Variants in DPYD observed in about 807,000 individuals in gnomAD.
DPYD encodes dihydropyrimidine dehydrogenase [NADP(+)].
In DPYD, 109 loss-of-function variants were observed where a neutral mutation model predicts 116.2. The observed-to-expected ratio is 0.94, with a 90% CI of 0.80 to 1.10. DPYD has a LOEUF of 1.10. Ranked by LOEUF, DPYD falls within the 50% of genes least tolerant of loss-of-function variation. The pLI is 0.00. For synonymous variants in DPYD, 440 were observed against 432.0 expected (o/e 1.02, Z -0.23); for missense variants, 1,302 against 1,254.5 (o/e 1.04, Z -0.57).
At chr1:97,457,483 G>A (rs990468764) in intron 13 of DPYD, among the ~76,000 whole-genome samples, 1 of 152,078 alleles carries the variant, frequency 6.6e-6, no homozygotes, top group Non-Finnish European at 1.5e-5. Context: ...GACACTAAAA[G>A]TGGTTTGTTT....
chr1:97,300,920 C>T (rs564466732), intron 18 of DPYD, among the ~76,000 whole-genome samples: 1 of 151,812 alleles, frequency 6.6e-6, no homozygotes, highest in African/African-American at 2.4e-5. Flanking sequence ...CACTTCTGGC[C>T]CTACACTGAC....
chr1:97,144,412 G>A (rs1187613260), intron 20 of DPYD, among the ~76,000 whole-genome samples: 1 of 152,188 alleles, frequency 6.6e-6, no homozygotes, highest in East Asian at 1.9e-4. Flanking sequence ...CATTCTACAC[G>A]AAAAGTTCAT....
At chr1:97,779,304 CACACACACACAT>C (rs1475289353) in intron 3 of DPYD, among the ~76,000 whole-genome samples, 1 of 66,102 alleles carries the variant, frequency 1.5e-5, no homozygotes. Flanking sequence ...TTTGCAAACA[CACACACACACAT>C]ACACACACAC....
intron 2 of DPYD, among the ~76,000 whole-genome samples, chr1:97,872,678 C>T (rs767178373): frequency 6.6e-6 from 1 of 151,948 alleles, no homozygotes; most frequent in Non-Finnish European, 1.5e-5. Flanking sequence ...CTCTAAATTA[C>T]AGCATATCAC....
chr1:97,813,915 GACACACACACACACAC>G (rs59229553), intron 3 of DPYD, among the ~76,000 whole-genome samples: 1 of 144,630 alleles, frequency 6.9e-6, no homozygotes, highest in Non-Finnish European at 1.5e-5. Flanking sequence ...GAAACACACA[GACACACACACACACAC>G]ACACACACAC....
At chr1:97,460,003 C>A (rs1002219968) in intron 13 of DPYD, among the ~76,000 whole-genome samples, 5 of 152,048 alleles carry the variant, frequency 3.3e-5, no homozygotes, top group Non-Finnish European at 7.4e-5. Flanking sequence ...TGAGGAGGCA[C>A]AAACAGAATC....
chr1:97,830,690 A>G (rs1669496897), intron 2 of DPYD, among the ~76,000 whole-genome samples: 1 of 151,350 alleles, frequency 6.6e-6, no homozygotes, highest in Non-Finnish European at 1.5e-5. Flanking sequence ...AGCCGGGGAC[A>G]GAGTGAGACT....
intron 4 of DPYD, among the ~76,000 whole-genome samples, chr1:97,728,545 A>T (rs2101042528): frequency 6.6e-6 from 1 of 152,148 alleles, no homozygotes; most frequent in African/African-American, 2.4e-5. Context: ...TCACTACAAG[A>T]TTATCAATAC....
intron 14 of DPYD, among the ~76,000 whole-genome samples, chr1:97,401,309 T>A (rs1673365749): frequency 6.6e-6 from 1 of 152,056 alleles, no homozygotes; most frequent in Non-Finnish European, 1.5e-5. Flanking sequence ...AGCGGAAGTT[T>A]TTTTTTGTTT....
At chr1:97,225,560 G>GTTGTTTTTT (rs1661091425) in intron 19 of DPYD, among the ~76,000 whole-genome samples, 1 of 115,766 alleles carries the variant, frequency 8.6e-6, no homozygotes, top group African/African-American at 3.1e-5. Context: ...AAATCAGGTT[G>GTTGTTTTTT]TTTTTTTTTT....
intron 18 of DPYD, among the ~76,000 whole-genome samples, chr1:97,297,702 C>G (rs1253123910): frequency 6.6e-6 from 1 of 152,200 alleles, no homozygotes; most frequent in Non-Finnish European, 1.5e-5. Context: ...GTTTCCCACA[C>G]TTTAAGGGTT....
chr1:97,616,366 T>A (rs1410807828), intron 8 of DPYD, among the ~76,000 whole-genome samples: 3 of 152,160 alleles, frequency 2.0e-5, no homozygotes, highest in Admixed American at 1.3e-4. Context: ...TTTTTAAATA[T>A]CCAAGGATCA....
At chr1:97,810,286 CAAAAAAAAA>C (rs71071672) in intron 3 of DPYD, among the ~76,000 whole-genome samples, 2 of 73,616 alleles carry the variant, frequency 2.7e-5, no homozygotes, top group Non-Finnish European at 4.8e-5. Context: ...GACTCCATCT[CAAAAAAAAA>C]AAAAAAAAAA....
intron 3 of DPYD, among the ~76,000 whole-genome samples, chr1:97,789,278 C>G (rs1175052653): frequency 6.6e-6 from 1 of 152,166 alleles, no homozygotes; most frequent in Non-Finnish European, 1.5e-5. Flanking sequence ...AAAGCACTAT[C>G]CATATATTAC....
chr1:97,656,970 T>TA (rs1232434613), intron 8 of DPYD, among the ~76,000 whole-genome samples: 3 of 125,742 alleles, frequency 2.4e-5, no homozygotes, highest in Non-Finnish European at 5.7e-5. Flanking sequence ...GATTGTATTT[T>TA]TTTTTTTTTT....
intron 18 of DPYD, among the ~76,000 whole-genome samples, chr1:97,303,931 G>T (rs1447470857): frequency 6.6e-6 from 1 of 152,016 alleles, no homozygotes; most frequent in Non-Finnish European, 1.5e-5. Context: ...TTTCCAGTGT[G>T]TGTATGCTTA....
At position 97,515,766 on chromosome 1, in the gene DPYD, C is replaced by G. The variant is rs1188134745; in HGVS notation, c.1700G>C (p.Gly567Ala). 1 of 1,612,804 alleles carries G rather than the reference C, an allele frequency of 6.2e-7. No homozygotes were observed. The change falls in exon 13 of 23, where the codon GGA becomes GCA. Residue 567 changes from glycine (G) to alanine (A), a missense_variant. Coordinates refer to ENST00000370192, the MANE Select transcript of DPYD (RefSeq NM_000110.4). Reference sequence around the variant, plus strand: ...AGTTTTGGTGAGGGCAAAACCCCATCCAGCTTCAAAAGCTCTTCGAATCAT... The same window carrying G: ...AGTTTTGGTGAGGGCAAAACCCCATGCAGCTTCAAAAGCTCTTCGAATCAT... ...TSMIRRAFEA[G>A]WGFALTKTFS...
intron 20 of DPYD, among the ~76,000 whole-genome samples, chr1:97,106,429 G>A (rs914771214): frequency 3.0e-4 from 46 of 152,208 alleles, no homozygotes; most frequent in Middle Eastern, 3.4e-3. Flanking sequence ...GAATGTGGGC[G>A]GGCATCCCCC....
chr1:97,419,695 C>A (rs1443337957), intron 14 of DPYD, among the ~76,000 whole-genome samples: 1 of 152,000 alleles, frequency 6.6e-6, no homozygotes, highest in Non-Finnish European at 1.5e-5. Flanking sequence ...TAATATTAAG[C>A]ATACAGTTCT....
Sources: gnomAD v4.1 joint callset for allele counts (sites outside exome capture counted in the v4.1 genomes callset) on GRCh38, gnomAD v4.1.1 for gene constraint, MANE v1.5 for transcripts, NCBI Gene and HGNC (gene_info 2026-07-23, HGNC 2026-07-21) for gene names.